Variants in DAB1 observed in about 807,000 individuals in gnomAD.
DAB1 encodes disabled homolog 1.
A neutral mutation model predicts 64.6 loss-of-function variants in DAB1; 15 were observed. The ratio of observed to expected loss-of-function variants is 0.23; its 90% confidence interval spans 0.16 to 0.36. The LOEUF is 0.36. DAB1 is among the 10% of genes least tolerant of loss of function. The pLI is 1.00. For missense variants in DAB1, 596 were observed against 706.7 expected, an observed-to-expected ratio of 0.84 and a Z score of 1.78; for synonymous variants, 235 against 251.9, an observed-to-expected ratio of 0.93 and a Z score of 0.64.
intron 9 of DAB1, among the ~76,000 whole-genome samples, chr1:57,026,973 C>A (rs1646809332): frequency 6.6e-6 from 1 of 152,212 alleles, no homozygotes; most frequent in African/African-American, 2.4e-5. Flanking sequence ...GGAAAAACCA[C>A]TTTTCCCTTA....
chr1:57,796,553 T>C (rs1372612041), intron 6 of DAB1, among the ~76,000 whole-genome samples: 2 of 148,116 alleles, frequency 1.4e-5, no homozygotes, highest in Non-Finnish European at 3.0e-5. Context: ...ATAATAATAA[T>C]AATAATAATC....
chr1:58,150,575 G>A (rs1382379088), exon 5 of DAB1: 2 of 137,368 alleles, frequency 1.5e-5, no homozygotes, highest in African/African-American at 2.9e-5. Context: ...GGTAAAATAC[G>A]AAGACTGGGA....
intron 9 of DAB1, among the ~76,000 whole-genome samples, chr1:57,062,225 T>C (rs905226001): frequency 2.0e-5 from 3 of 152,216 alleles, no homozygotes; most frequent in Non-Finnish European, 4.4e-5. Flanking sequence ...TTGTCCTTAA[T>C]GTGGTATGCC....
At chr1:57,150,621 G>A (rs987715486) in intron 2 of DAB1, among the ~76,000 whole-genome samples, 5 of 152,084 alleles carry the variant, frequency 3.3e-5, no homozygotes, top group African/African-American at 1.2e-4. Flanking sequence ...TAAGCAATGT[G>A]TTTTCCTAAG....
rs533263345 is a variant in DAB1 at position 57,187,802 on chromosome 1, C to T, written c.68-42373G>A. Among the ~76,000 whole-genome samples the T allele has an allele frequency of 2.0e-5, 3 of 152,092 alleles. No individual in the cohort carries two copies. In the South Asian group the frequency reaches 6.2e-4, roughly 32 times the overall value. ...AAGTTCTCAACCATTCAGCTAATCC[C>T]AGTTTGTCTCAGCGCTGATTGAGTC... On this transcript the variant is annotated intron_variant, in intron 2 of 14. Transcript: ENST00000371236.
At chr1:58,245,942 C>T (rs1165466691) in intron 4 of DAB1, among the ~76,000 whole-genome samples, 1 of 151,996 alleles carries the variant, frequency 6.6e-6, no homozygotes, top group Non-Finnish European at 1.5e-5. Flanking sequence ...ATATATATTG[C>T]AAGTTTCCTG....
At chr1:57,321,868 T>A (rs948262013) in intron 1 of DAB1, among the ~76,000 whole-genome samples, 1 of 114,850 alleles carries the variant, frequency 8.7e-6, no homozygotes, top group Non-Finnish European at 2.3e-5. Flanking sequence ...ACCAAATGCA[T>A]GACTCTTTCC....
intron 6 of DAB1, among the ~76,000 whole-genome samples, chr1:57,796,267 C>T (rs1650857614): frequency 6.6e-6 from 1 of 152,086 alleles, no homozygotes; most frequent in Non-Finnish European, 1.5e-5. Flanking sequence ...GTGGCTCACG[C>T]CTGTAATACA....
At chr1:57,096,710 C>T (rs1654200861) in intron 4 of DAB1, among the ~76,000 whole-genome samples, 1 of 152,216 alleles carries the variant, frequency 6.6e-6, no homozygotes, top group Non-Finnish European at 1.5e-5. Context: ...GTATTTACTA[C>T]TTTCTGAAAT....
intron 5 of DAB1, chr1:58,074,564 G>GTGTGTATATATATATA (rs1332531604): frequency 6.5e-5 from 6 of 91,634 alleles, no homozygotes; most frequent in African/African-American, 2.6e-4. Flanking sequence ...ATATATGTGT[G>GTGTGTATATATATATA]TATATATATA....
chr1:57,796,414 C>G (rs932791471), intron 6 of DAB1, among the ~76,000 whole-genome samples: 2 of 152,144 alleles, frequency 1.3e-5, no homozygotes, highest in Middle Eastern at 3.4e-3. Context: ...GTAGTCCCAA[C>G]TACTCGGGAG....
In DAB1 at chr1:58,508,795, T is replaced by A. The variant is rs1646028686; in HGVS notation, n.108-2586A>T. Among the ~76,000 whole-genome samples the A allele has an allele frequency of 2.0e-5, 3 of 152,226 alleles. No homozygotes were observed. In the South Asian group the frequency reaches 6.2e-4, roughly 32 times the overall value. The stretch of plus-strand genomic sequence containing the variant: ...CATGACCACTCCCTGAAGCTCAGCA[T>A]GAAATGAGTTGGAGAGAAACTCCAG... On this transcript the variant is annotated intron_variant and non_coding_transcript_variant, in intron 2 of 20. Transcript: ENST00000485760.
At chr1:57,217,272 T>C (rs1384925605) in intron 2 of DAB1, among the ~76,000 whole-genome samples, 1 of 152,204 alleles carries the variant, frequency 6.6e-6, no homozygotes, top group African/African-American at 2.4e-5. Context: ...ATAAGGATAT[T>C]TAAATTAAAA....
intron 9 of DAB1, among the ~76,000 whole-genome samples, chr1:57,052,869 GA>G (rs1356625561): frequency 6.6e-6 from 1 of 152,156 alleles, no homozygotes; most frequent in Non-Finnish European, 1.5e-5. Flanking sequence ...CAGATTATCT[GA>G]AATGTTTTTC....
chr1:57,799,502 A>G (rs905659619), intron 6 of DAB1, among the ~76,000 whole-genome samples: 3 of 151,356 alleles, frequency 2.0e-5, no homozygotes, highest in Non-Finnish European at 2.9e-5. Flanking sequence ...AAGTGTTTCC[A>G]GGCCAGACTG....
chr1:57,519,759 G>A (rs1172087631), intron 7 of DAB1, among the ~76,000 whole-genome samples: 2 of 152,126 alleles, frequency 1.3e-5, no homozygotes, highest in African/African-American at 4.8e-5. Flanking sequence ...TACAAAATAA[G>A]GAGCCTTATA....
chr1:57,684,924 CAA>C (rs955080447), intron 6 of DAB1, among the ~76,000 whole-genome samples: 1 of 150,326 alleles, frequency 6.7e-6, no homozygotes, highest in East Asian at 2.0e-4. Flanking sequence ...AAATGGAAAA[CAA>C]AAAAACAGCA....
At position 57,915,440 on chromosome 1, in the gene DAB1, C is replaced by T. The variant is rs886482022; in HGVS notation, n.388-31278G>A. ...TATTCCTCCATCATTACTTGTCTCCCGTGGGACATGGGATGTGATCATTTC... is the reference window on the plus strand; with the variant it reads ...TATTCCTCCATCATTACTTGTCTCCTGTGGGACATGGGATGTGATCATTTC... On this transcript the variant is annotated intron_variant and non_coding_transcript_variant, in intron 5 of 20. Coordinates refer to the DAB1 transcript ENST00000485760. 1.2e-4 allele frequency among the ~76,000 whole-genome samples: 19 copies of T among 152,092 alleles called. 1 individual carries two copies. The highest frequency in any genetic ancestry group is 9.8e-4 in the Admixed American group (15 of 15,262).
At chr1:57,415,031 C>T (rs766116369) in intron 1 of DAB1, among the ~76,000 whole-genome samples, 1 of 152,042 alleles carries the variant, frequency 6.6e-6, no homozygotes, top group Non-Finnish European at 1.5e-5. Context: ...CGGAAGAAAA[C>T]AGCCCAAGAA....
Sources: gnomAD v4.1 joint callset for allele counts (sites outside exome capture counted in the v4.1 genomes callset) on GRCh38, gnomAD v4.1.1 for gene constraint, MANE v1.5 for transcripts, NCBI Gene and HGNC (gene_info 2026-07-23, HGNC 2026-07-21) for gene names.